Variants in GRIA3 observed in about 807,000 individuals in gnomAD.
GRIA3 encodes glutamate ionotropic receptor AMPA type subunit 3.
Under a neutral mutation model 63.0 loss-of-function variants are expected in GRIA3, and 3 were observed. The observed-to-expected ratio is 0.05, with a 90% confidence interval of 0.02 to 0.12. The LOEUF (loss-of-function observed/expected upper bound fraction) is 0.12. Ranked by LOEUF, GRIA3 falls within the 10% of genes least tolerant of loss-of-function variation. The pLI is 1.00. For missense variants in GRIA3, 347 were observed against 700.9 expected (o/e 0.50, Z 5.70); for synonymous variants, 274 against 257.9 (o/e 1.06, Z -0.60).
chrX:123,231,358 G>A (rs1248118057), intron 2 of GRIA3, among the ~76,000 whole-genome samples: 2 of 110,863 alleles, frequency 1.8e-5, no homozygotes, highest in East Asian at 5.7e-4. Context: ...ACCTATGGCC[G>A]CACATCTAGA....
At chrX:123,293,795 C>T (rs1303958806) in intron 3 of GRIA3, among the ~76,000 whole-genome samples, 2 of 110,481 alleles carry the variant, frequency 1.8e-5, no homozygotes, top group Admixed American at 9.7e-5. Context: ...GTTGGAAGCA[C>T]CTCACGTACA....
At chrX:123,464,466 T>C (rs1446557586) in intron 12 of GRIA3, among the ~76,000 whole-genome samples, 1 of 111,711 alleles carries the variant, frequency 9.0e-6, no homozygotes, top group African/African-American at 3.3e-5. Context: ...GGTCTTTGAT[T>C]AGGCATATCC....
chrX:123,323,526 T>C (rs1308769363), intron 3 of GRIA3, among the ~76,000 whole-genome samples: 2 of 112,354 alleles, frequency 1.8e-5, no homozygotes, highest in Non-Finnish European at 3.8e-5. Flanking sequence ...TACTCATTTC[T>C]GGAGAAGTTA....
chrX:123,321,507 T>C (rs1348479182), intron 3 of GRIA3, among the ~76,000 whole-genome samples: 2 of 112,099 alleles, frequency 1.8e-5, no homozygotes, highest in Non-Finnish European at 3.8e-5. Context: ...TATATTTTCT[T>C]GGGTATCTTT....
intron 3 of GRIA3, among the ~76,000 whole-genome samples, chrX:123,279,323 G>T (rs753138755): frequency 7.8e-4 from 87 of 111,217 alleles, no homozygotes; most frequent in African/African-American, 2.8e-3. Context: ...GGTTACTATA[G>T]GTAACAATAT....
At chrX:123,426,187 C>G (rs947248092) in intron 11 of GRIA3, among the ~76,000 whole-genome samples, 1 of 111,761 alleles carries the variant, frequency 8.9e-6, no homozygotes, top group South Asian at 3.8e-4. Context: ...CTCTGCCACA[C>G]AGCAGAATTA....
chrX:123,439,439 C>G (rs1015517726), intron 12 of GRIA3, among the ~76,000 whole-genome samples: 9 of 111,906 alleles, frequency 8.0e-5, no homozygotes, highest in Non-Finnish European at 1.5e-4. Flanking sequence ...CTAGAGAAAT[C>G]TGAATTCCAG....
intron 5 of GRIA3, among the ~76,000 whole-genome samples, chrX:123,360,039 T>C (rs1012591561): frequency 8.9e-6 from 1 of 112,381 alleles, no homozygotes; most frequent in Non-Finnish European, 1.9e-5. Flanking sequence ...CTGTTTTCTT[T>C]AGACTTTCAT....
chrX:123,230,118 G>A lies in GRIA3; in HGVS notation c.269-23185G>A, dbSNP rs927177267. Among the ~76,000 whole-genome samples the A allele has an allele frequency of 8.0e-5, 9 of 111,896 alleles. 1 individual carries two copies. The highest frequency in any genetic ancestry group is 2.6e-4 in the African/African-American group (8 of 30,799). ...CAGCACTTTCTTCTGAGGTGTGCAA[G>A]GTCTGTTGTCACTGTGGAGTAGTTC... On this transcript the variant is annotated intron_variant, in intron 2 of 15. Transcript: ENST00000620443.
intron 12 of GRIA3, among the ~76,000 whole-genome samples, chrX:123,443,037 C>G: frequency 9.0e-6 from 1 of 110,510 alleles, no homozygotes; most frequent in Non-Finnish European, 1.9e-5. Context: ...AAAACCTTTC[C>G]TCTAATCAAC....
chrX:123,193,320 G>A (rs1927489223), intron 2 of GRIA3, among the ~76,000 whole-genome samples: 1 of 111,440 alleles, frequency 9.0e-6, no homozygotes, highest in East Asian at 2.8e-4. Flanking sequence ...CCAAGAGAGC[G>A]AAGGTTGGCA....
At chrX:123,362,715 TAA>T (rs5903639) in intron 5 of GRIA3, among the ~76,000 whole-genome samples, 2 of 101,199 alleles carry the variant, frequency 2.0e-5, no homozygotes, top group Non-Finnish European at 2.0e-5. Context: ...AAGCTGTTAG[TAA>T]AAAAAAAAAA....
At chrX:123,288,952 A>G (rs1403489391) in intron 3 of GRIA3, among the ~76,000 whole-genome samples, 1 of 112,154 alleles carries the variant, frequency 8.9e-6, no homozygotes, top group East Asian at 2.8e-4. Flanking sequence ...TTATTCTACT[A>G]TAAAGACACA....
chrX:123,327,035 G>A (rs911304152), intron 4 of GRIA3, among the ~76,000 whole-genome samples: 2 of 109,652 alleles, frequency 1.8e-5, no homozygotes, highest in Admixed American at 9.7e-5. Context: ...GCGTGGTGGC[G>A]GGTGCCTGTG....
rs1341286040 is a variant in GRIA3 at position 123,489,943 on chromosome X, T to C, written c.*1233T>C. The C allele has an allele frequency of 8.9e-6, 1 of 112,447 alleles. No individual in the cohort carries two copies. The highest frequency in any genetic ancestry group is 1.9e-5 in the Non-Finnish European group (1 of 53,254). 9.3% of individuals were successfully genotyped at this position (112,447 alleles called of 1,213,427 possible). A position where few individuals can be genotyped will look rare whatever the true frequency, so the allele number is the denominator to read the frequency against. Reference sequence around the variant, plus strand: ...TACTGCTAATCTGAGGGCCTCAGCATCACTTCCAGATCCTTGCTTGGAGCA... The same window carrying C: ...TACTGCTAATCTGAGGGCCTCAGCACCACTTCCAGATCCTTGCTTGGAGCA... On this transcript the variant is annotated 3_prime_UTR_variant, in exon 16 of 16. Coordinates refer to ENST00000620443, the MANE Select transcript of GRIA3 (RefSeq NM_007325.5).
At chrX:123,305,401 G>A (rs1470479172) in intron 3 of GRIA3, among the ~76,000 whole-genome samples, 1 of 111,592 alleles carries the variant, frequency 9.0e-6, no homozygotes, top group Non-Finnish European at 1.9e-5. Flanking sequence ...TGATGCATAA[G>A]CACTATATTA....
intron 5 of GRIA3, among the ~76,000 whole-genome samples, chrX:123,381,553 AC>A: frequency 9.0e-6 from 1 of 111,578 alleles, no homozygotes; most frequent in Non-Finnish European, 1.9e-5. Context: ...AGTGAAAGAG[AC>A]CTAGAAGCCA....
At chrX:123,282,920 TG>T in intron 3 of GRIA3, among the ~76,000 whole-genome samples, 1 of 111,537 alleles carries the variant, frequency 9.0e-6, no homozygotes, top group South Asian at 3.8e-4. Flanking sequence ...AATATAATAA[TG>T]ACAGATTAAA....
intron 4 of GRIA3, among the ~76,000 whole-genome samples, chrX:123,346,299 T>C (rs2045049476): frequency 1.8e-5 from 2 of 112,021 alleles, no homozygotes; most frequent in Non-Finnish European, 3.8e-5. Flanking sequence ...GCAGATACCA[T>C]TCTATTTACT....
Sources: allele counts gnomAD v4.1 joint callset (sites outside exome capture counted in the v4.1 genomes callset), GRCh38; gene constraint gnomAD v4.1.1; transcripts MANE v1.5; gene names NCBI Gene and HGNC (gene_info 2026-07-23, HGNC 2026-07-21).